The following WAPL variants were observed in gnomAD, a reference collection of about 807,000 sequenced individuals.
The protein encoded by WAPL is wings apart-like protein homolog.
A neutral mutation model predicts 121.0 loss-of-function variants in WAPL; 5 were observed. The observed-to-expected ratio is 0.04, with a 90% CI of 0.02 to 0.09. The LOEUF is 0.09. WAPL is among the 10% of genes least tolerant of loss of function. The pLI is 1.00. For missense variants in WAPL, 999 were observed against 1,410.8 expected, an observed-to-expected ratio of 0.71 and a Z score of 4.68; for synonymous variants, 480 against 481.5, an observed-to-expected ratio of 1.00 and a Z score of 0.04.
At chr10:86,469,687 G>GA (rs1461141517) in intron 8 of WAPL, among the ~76,000 whole-genome samples, 1 of 152,102 alleles carries the variant, frequency 6.6e-6, no homozygotes, top group African/African-American at 2.4e-5. Context: ...TCAATATACA[G>GA]AAAACACAAC....
At chr10:86,496,807 T>C (rs925258105) in intron 4 of WAPL, among the ~76,000 whole-genome samples, 1 of 152,194 alleles carries the variant, frequency 6.6e-6, no homozygotes, top group Non-Finnish European at 1.5e-5. Context: ...ATGGATATTG[T>C]ATGATTCTAT....
At chr10:86,499,649 C>T in intron 3 of WAPL, 69 bp downstream of exon 3, 1 of 1,487,326 alleles carries the variant, frequency 6.7e-7, no homozygotes, top group Non-Finnish European at 9.0e-7. Flanking sequence ...GTAATTGAAA[C>T]CACAGAAAGT....
At chr10:86,490,614 A>G (rs374694649) in intron 4 of WAPL, among the ~76,000 whole-genome samples, 3 of 152,248 alleles carry the variant, frequency 2.0e-5, no homozygotes, top group Non-Finnish European at 2.9e-5. Flanking sequence ...ACACAGTACC[A>G]TAACTGTTCA....
At chr10:86,448,289 A>G (rs1840886372) in intron 15 of WAPL, among the ~76,000 whole-genome samples, 1 of 152,070 alleles carries the variant, frequency 6.6e-6, no homozygotes, top group Admixed American at 6.6e-5. Context: ...CCTCAGCTCT[A>G]CAAATACGAA....
At chr10:86,505,024 G>C (rs528517564) in intron 2 of WAPL, among the ~76,000 whole-genome samples, 1 of 151,876 alleles carries the variant, frequency 6.6e-6, no homozygotes, top group Non-Finnish European at 1.5e-5. Context: ...TAGCATTCAA[G>C]TTTGATCAAA....
In WAPL at chr10:86,472,416, C is replaced by CT; in HGVS notation, c.1894-73dup. ...TATTTAAATCTATGGGCTCACTGTA[C>CT]TTTACATAAGTGCATAAAATAGTTC... On this transcript the variant is annotated intron_variant, in intron 6 of 18. Transcript: ENST00000298767. This position sits in a 1 kb window ranked among gnomAD's most constrained non-coding sequence, Gnocchi z 4.2. The CT allele has an allele frequency of 2.6e-6, 4 of 1,554,714 alleles. No individual in the cohort carries two copies. Among genetic ancestry groups the CT allele is most frequent in the Non-Finnish European group, 3.5e-6 (4 of 1,156,872 alleles).
intron 4 of WAPL, among the ~76,000 whole-genome samples, chr10:86,474,454 C>T (rs1253159278): frequency 6.8e-6 from 1 of 147,784 alleles, no homozygotes; most frequent in Non-Finnish European, 1.5e-5. Flanking sequence ...GCAGAGGTTG[C>T]AGTGAGCTAA....
At chr10:86,489,673 C>T (rs921704013) in intron 4 of WAPL, among the ~76,000 whole-genome samples, 1 of 151,978 alleles carries the variant, frequency 6.6e-6, no homozygotes. Flanking sequence ...AGCCTCCAAA[C>T]CAAGAATTAT....
intron 17 of WAPL, 101 bp downstream of exon 17, chr10:86,443,174 G>C: frequency 1.1e-6 from 1 of 887,394 alleles, no homozygotes; most frequent in East Asian, 2.6e-5. Flanking sequence ...CATTAAGGGG[G>C]AAACACTGAA....
At chr10:86,507,699 T>G (rs1424084288) in intron 2 of WAPL, among the ~76,000 whole-genome samples, 1 of 151,438 alleles carries the variant, frequency 6.6e-6, no homozygotes, top group Non-Finnish European at 1.5e-5. Context: ...TTCATAAACA[T>G]TAAAATCAGA....
chr10:86,448,893 A>G (rs1840901865), intron 15 of WAPL, among the ~76,000 whole-genome samples: 1 of 152,224 alleles, frequency 6.6e-6, no homozygotes, highest in Non-Finnish European at 1.5e-5. Context: ...GGGATTACAG[A>G]TTACAGGCAT....
At chr10:86,514,563 C>T (rs1477931377) in intron 2 of WAPL, among the ~76,000 whole-genome samples, 2 of 152,292 alleles carry the variant, frequency 1.3e-5, no homozygotes, top group Non-Finnish European at 2.9e-5. Context: ...ATTTTCCCCT[C>T]ACAGACCAAT....
chr10:86,455,266 G>A (rs1414265168), intron 12 of WAPL, among the ~76,000 whole-genome samples: 2 of 152,270 alleles, frequency 1.3e-5, no homozygotes, highest in Admixed American at 6.5e-5. Context: ...GTGGGGAAAA[G>A]AAAATCAGAT....
chr10:86,439,196 AG>A (rs1020671669), intron 17 of WAPL, among the ~76,000 whole-genome samples: 1 of 152,202 alleles, frequency 6.6e-6, no homozygotes, highest in Non-Finnish European at 1.5e-5. Flanking sequence ...TTCCCATGCC[AG>A]GGTACTCGCA....
chr10:86,494,389 CTA>C (rs1275174407), intron 4 of WAPL, among the ~76,000 whole-genome samples: 8 of 152,298 alleles, frequency 5.3e-5, no homozygotes, highest in Middle Eastern at 3.4e-3. Flanking sequence ...GATCGACAAA[CTA>C]TGCTGATTCA....
At chr10:86,463,144 C>G (rs1177510165) in intron 9 of WAPL, among the ~76,000 whole-genome samples, 1 of 152,130 alleles carries the variant, frequency 6.6e-6, no homozygotes, top group African/African-American at 2.4e-5. Context: ...ATAAGAGGAA[C>G]AGGCCGCAAG....
Position 86,437,444 on chromosome 10 carries a change from G to A in WAPL, c.*99C>T. The A allele has an allele frequency of 1.6e-6, 2 of 1,267,758 alleles. No homozygotes were observed. The highest frequency in any genetic ancestry group is 2.2e-6 in the Non-Finnish European group (2 of 911,754). 78.5% of individuals were successfully genotyped at this position (1,267,758 alleles called of 1,614,324 possible). On this transcript the variant is annotated 3_prime_UTR_variant, in exon 19 of 19. Coordinates refer to ENST00000298767, the MANE Select transcript of WAPL (RefSeq NM_015045.5). ...CCAAACACGAATGATACTGATGAATGTTCTTGGTATATCTTCAAGGACTTC... is the reference window on the plus strand; with the variant it reads ...CCAAACACGAATGATACTGATGAATATTCTTGGTATATCTTCAAGGACTTC...
intron 4 of WAPL, among the ~76,000 whole-genome samples, chr10:86,485,573 T>G (rs1229114129): frequency 6.6e-6 from 1 of 152,080 alleles, no homozygotes; most frequent in Admixed American, 6.6e-5. Flanking sequence ...CTTTCATTAC[T>G]TATTAAAATC....
At chr10:86,515,598 C>G (rs1043834437) in intron 2 of WAPL, among the ~76,000 whole-genome samples, 4 of 151,942 alleles carry the variant, frequency 2.6e-5, no homozygotes, top group Non-Finnish European at 5.9e-5. Flanking sequence ...GCCTGGCCAA[C>G]ACGGTGAAAA....
Sources: allele counts gnomAD v4.1 joint callset (sites outside exome capture counted in the v4.1 genomes callset), GRCh38; gene constraint gnomAD v4.1.1; non-coding constraint Gnocchi (gnomAD v3.1); transcripts MANE v1.5; gene names NCBI Gene and HGNC (gene_info 2026-07-23, HGNC 2026-07-21).